ENOX1: variants seen among roughly 807,000 people sequenced by gnomAD.
The protein encoded by ENOX1 is ecto-NOX disulfide-thiol exchanger 1.
Under a neutral mutation model 82.5 loss-of-function variants are expected in ENOX1, and 42 were observed. The ratio of observed to expected loss-of-function variants is 0.51; its 90% CI spans 0.40 to 0.66. The LOEUF (loss-of-function observed/expected upper bound fraction) is 0.66, where lower values mean the gene tolerates loss of function less well. ENOX1 is among the 30% of genes least tolerant of loss of function. The pLI is 0.00. For synonymous variants in ENOX1, 271 were observed against 282.2 expected, an observed-to-expected ratio of 0.96 and a Z score of 0.40; for missense variants, 608 against 811.6, an observed-to-expected ratio of 0.75 and a Z score of 3.05.
intron 2 of ENOX1, among the ~76,000 whole-genome samples, chr13:43,587,958 A>AC (rs139514944): frequency 0.015 from 2,205 of 151,824 alleles, 28 homozygotes; most frequent in Non-Finnish European, 0.021. Context: ...TTCCAAAAAA[A>AC]AAAATCTATA....
At chr13:43,554,022 T>TA (rs2079325528) in intron 2 of ENOX1, among the ~76,000 whole-genome samples, 1 of 152,194 alleles carries the variant, frequency 6.6e-6, no homozygotes, top group African/African-American at 2.4e-5. Flanking sequence ...GTGCTGGGAT[T>TA]ACAGGCATGA....
At chr13:43,438,314 G>C (rs947792145) in intron 3 of ENOX1, among the ~76,000 whole-genome samples, 3 of 152,128 alleles carry the variant, frequency 2.0e-5, no homozygotes, top group Admixed American at 2.0e-4. Context: ...AATTATGGGA[G>C]ACCAGACAAG....
intron 1 of ENOX1, among the ~76,000 whole-genome samples, chr13:43,719,748 C>A (rs940000952): frequency 6.6e-6 from 1 of 152,080 alleles, no homozygotes; most frequent in African/African-American, 2.4e-5. Flanking sequence ...AAAAAGCTTG[C>A]CACACCTTTT....
intron 2 of ENOX1, among the ~76,000 whole-genome samples, chr13:43,532,529 T>C (rs2078275765): frequency 6.6e-6 from 1 of 152,168 alleles, no homozygotes; most frequent in Non-Finnish European, 1.5e-5. Context: ...AAAACTGCTA[T>C]AAGATTCAAA....
At chr13:43,349,434 T>TG (rs2049619163) in intron 8 of ENOX1, among the ~76,000 whole-genome samples, 1 of 152,248 alleles carries the variant, frequency 6.6e-6, no homozygotes, top group Non-Finnish European at 1.5e-5. Flanking sequence ...TACTATCAGA[T>TG]GTCACCACTG....
chr13:43,502,780 T>C (rs746505988), intron 2 of ENOX1, among the ~76,000 whole-genome samples: 2 of 151,522 alleles, frequency 1.3e-5, no homozygotes, highest in Non-Finnish European at 3.0e-5. Flanking sequence ...AAAGATCTTA[T>C]TGAATCCAGA....
chr13:43,737,920 C>CA (rs950475161), intron 1 of ENOX1, among the ~76,000 whole-genome samples: 21 of 152,224 alleles, frequency 1.4e-4, no homozygotes, highest in African/African-American at 4.8e-4. Flanking sequence ...CACAGCAGAT[C>CA]AAAAAATCAG....
At chr13:43,525,634 A>C (rs2077956920) in intron 2 of ENOX1, among the ~76,000 whole-genome samples, 1 of 152,052 alleles carries the variant, frequency 6.6e-6, no homozygotes, top group African/African-American at 2.4e-5. Context: ...GTACATCCTA[A>C]CCAACACTTA....
At chr13:43,451,111 T>C (rs1369983282) in intron 3 of ENOX1, among the ~76,000 whole-genome samples, 1 of 152,108 alleles carries the variant, frequency 6.6e-6, no homozygotes, top group Admixed American at 6.6e-5. Flanking sequence ...GAAGTAAAAA[T>C]ATCATGAAGG....
chr13:43,719,506 G>A (rs2088412623), intron 1 of ENOX1, among the ~76,000 whole-genome samples: 1 of 152,062 alleles, frequency 6.6e-6, no homozygotes, highest in African/African-American at 2.4e-5. Flanking sequence ...CATAATCAAT[G>A]CTGTGGCTGG....
At chr13:43,512,330 C>T (rs993155943) in intron 2 of ENOX1, among the ~76,000 whole-genome samples, 7 of 152,050 alleles carry the variant, frequency 4.6e-5, no homozygotes, top group African/African-American at 1.7e-4. Flanking sequence ...AAACCTACTC[C>T]ATCCTGAGAA....
At chr13:43,326,584 A>T (rs1385609293) in intron 9 of ENOX1, 59 bp from the exon 10 acceptor site, 9 of 1,319,154 alleles carry the variant, frequency 6.8e-6, no homozygotes, top group Non-Finnish European at 9.9e-6. Flanking sequence ...CACTATAGGG[A>T]AGCAAAGCAA....
chr13:43,640,882 GCGCACACACACA>G (rs2083610649), intron 2 of ENOX1, among the ~76,000 whole-genome samples: 1 of 134,590 alleles, frequency 7.4e-6, no homozygotes, highest in African/African-American at 2.9e-5. Flanking sequence ...ACACACACAC[GCGCACACACACA>G]CGTACACACA....
intron 14 of ENOX1, among the ~76,000 whole-genome samples, chr13:43,255,272 CA>C (rs1194614829): frequency 6.6e-6 from 1 of 151,910 alleles, no homozygotes; most frequent in African/African-American, 2.4e-5. Flanking sequence ...CTCAACAGAC[CA>C]GGTATAGAAG....
intron 3 of ENOX1, among the ~76,000 whole-genome samples, chr13:43,459,648 T>A (rs191341005): frequency 6.6e-6 from 1 of 152,292 alleles, no homozygotes; most frequent in East Asian, 1.9e-4. Flanking sequence ...GTTAGTTCTG[T>A]CAGTAATTTT....
At chr13:43,493,164 C>T (rs2076679572) in intron 2 of ENOX1, among the ~76,000 whole-genome samples, 1 of 152,016 alleles carries the variant, frequency 6.6e-6, no homozygotes, top group African/African-American at 2.4e-5. Flanking sequence ...CCTCCCACTC[C>T]CTCTCCTGTT....
At chr13:43,675,656 G>A (rs1242710268) in intron 1 of ENOX1, among the ~76,000 whole-genome samples, 2 of 152,186 alleles carry the variant, frequency 1.3e-5, no homozygotes, top group East Asian at 3.9e-4. Context: ...AACATGCAAG[G>A]AAGCTGATGG....
intron 12 of ENOX1, among the ~76,000 whole-genome samples, chr13:43,278,376 T>C (rs927356480): frequency 6.6e-5 from 10 of 152,184 alleles, no homozygotes; most frequent in Admixed American, 5.9e-4. Context: ...ACTACATATA[T>C]TCTGCATTTC....
intron 12 of ENOX1, among the ~76,000 whole-genome samples, chr13:43,281,508 T>C (rs1442554032): frequency 6.6e-6 from 1 of 152,128 alleles, no homozygotes; most frequent in Non-Finnish European, 1.5e-5. Flanking sequence ...TAAGAGAAAT[T>C]AGAGCCCCAG....
Sources: allele counts gnomAD v4.1 joint callset (sites outside exome capture counted in the v4.1 genomes callset), GRCh38; gene constraint gnomAD v4.1.1; transcripts MANE v1.5; gene names NCBI Gene and HGNC (gene_info 2026-07-23, HGNC 2026-07-21).